The following CSMD1 variants were observed in gnomAD, a reference collection of about 807,000 sequenced individuals.
The protein encoded by CSMD1 is CUB and sushi domain-containing protein 1.
In CSMD1, 213 loss-of-function variants were observed where a neutral mutation model predicts 417.5. That is an observed-to-expected ratio of 0.51 (90% CI 0.46 to 0.57). CSMD1 has a LOEUF of 0.57. Ranked by LOEUF, CSMD1 falls within the 20% of genes least tolerant of loss-of-function variation. The probability of loss-of-function intolerance (pLI) is 0.00; values close to 1 mark genes in which losing one functional copy is unlikely to be tolerated. For missense variants in CSMD1, 6,923 were observed against 4,529.7 expected (o/e 1.53, Z -15.17); for synonymous variants, 2,862 against 1,736.8 (o/e 1.65, Z -16.11).
chr8:4,234,939 T>C (rs1021313026), intron 3 of CSMD1, among the ~76,000 whole-genome samples: 1 of 152,150 alleles, frequency 6.6e-6, no homozygotes, highest in African/African-American at 2.4e-5. Flanking sequence ...GATGTGCTAA[T>C]CTTGATTCTA....
chr8:4,686,388 G>C (rs1268991945), intron 1 of CSMD1, among the ~76,000 whole-genome samples: 1 of 152,186 alleles, frequency 6.6e-6, no homozygotes, highest in African/African-American at 2.4e-5. Flanking sequence ...AAACTGCAGA[G>C]GCAGGAAGGC....
intron 9 of CSMD1, among the ~76,000 whole-genome samples, chr8:3,579,671 G>A (rs1272319698): frequency 1.3e-5 from 2 of 152,160 alleles, no homozygotes; most frequent in Middle Eastern, 3.2e-3. Context: ...CCTGGCTTAG[G>A]TAGTCAGTAG....
At chr8:4,260,579 T>G (rs756924260) in intron 3 of CSMD1, among the ~76,000 whole-genome samples, 3 of 152,200 alleles carry the variant, frequency 2.0e-5, no homozygotes, top group Non-Finnish European at 2.9e-5. Flanking sequence ...GAAAAGTTTG[T>G]AATATTGTTT....
rs369027134 is a variant in CSMD1, at chr8:2,957,854, G to A, written c.9703-47C>T. On this transcript the variant is annotated intron_variant, in intron 62 of 69. Coordinates refer to ENST00000635120, the MANE Select transcript of CSMD1 (RefSeq NM_033225.6). Reference sequence around the variant, plus strand: ...AGCTTCAGAGGCCAAGGGAATATACGAAGTGTCAACTAGTGATACCTGAAA... The same window carrying A: ...AGCTTCAGAGGCCAAGGGAATATACAAAGTGTCAACTAGTGATACCTGAAA... 3.3e-5 allele frequency: 43 copies of A among 1,316,166 alleles called. No homozygotes were observed. In the East Asian group the frequency reaches 5.5e-4, roughly 17 times the overall value. The allele number at this position is 1,316,166 out of a possible 1,614,324, so 81.5% of individuals were successfully genotyped here.
chr8:4,975,713 G>T (rs1014267309), intron 1 of CSMD1, among the ~76,000 whole-genome samples: 1 of 152,074 alleles, frequency 6.6e-6, no homozygotes, highest in African/African-American at 2.4e-5. Context: ...AGCTCTTCAG[G>T]GTTTCATCTG....
intron 2 of CSMD1, among the ~76,000 whole-genome samples, chr8:4,462,963 C>T (rs1799928112): frequency 6.6e-6 from 1 of 152,020 alleles, no homozygotes; most frequent in African/African-American, 2.4e-5. Flanking sequence ...TGGAATTCAT[C>T]AAAATTTTAA....
At chr8:4,044,371 T>C (rs924256592) in intron 3 of CSMD1, among the ~76,000 whole-genome samples, 1 of 152,192 alleles carries the variant, frequency 6.6e-6, no homozygotes, top group Non-Finnish European at 1.5e-5. Context: ...GATAAGAACC[T>C]TGTCTTAATA....
chr8:3,969,540 T>C (rs535220275), intron 5 of CSMD1, among the ~76,000 whole-genome samples: 1 of 152,220 alleles, frequency 6.6e-6, no homozygotes, highest in South Asian at 2.1e-4. Flanking sequence ...CTCTGTAAAA[T>C]GAAAATAAAA....
At chr8:4,602,249 T>C (rs2130767343) in intron 2 of CSMD1, among the ~76,000 whole-genome samples, 1 of 152,242 alleles carries the variant, frequency 6.6e-6, no homozygotes, top group East Asian at 1.9e-4. Flanking sequence ...GGAGTTATTT[T>C]AGAAGAGAAA....
At chr8:4,653,038 C>A (rs768476040) in intron 1 of CSMD1, among the ~76,000 whole-genome samples, 9 of 152,028 alleles carry the variant, frequency 5.9e-5, no homozygotes, top group African/African-American at 1.2e-4. Context: ...CAGATAGGTA[C>A]CTGTCCTCAG....
intron 3 of CSMD1, among the ~76,000 whole-genome samples, chr8:4,224,831 A>T (rs1229972928): frequency 1.3e-5 from 2 of 152,244 alleles, no homozygotes; most frequent in Non-Finnish European, 2.9e-5. Context: ...GAGGATATAT[A>T]GGGCGCTGTG....
At chr8:3,647,824 T>C (rs1220060460) in intron 7 of CSMD1, among the ~76,000 whole-genome samples, 4 of 152,220 alleles carry the variant, frequency 2.6e-5, no homozygotes, top group African/African-American at 4.8e-5. Flanking sequence ...ATGTATAATG[T>C]TGGTGAATCT....
intron 3 of CSMD1, among the ~76,000 whole-genome samples, chr8:4,172,778 C>T (rs185874441): frequency 8.3e-4 from 126 of 152,224 alleles, no homozygotes; most frequent in African/African-American, 2.9e-3. Context: ...ATCCCTTACC[C>T]ACAGAGAAGC....
chr8:4,233,887 T>C (rs1435748974), intron 3 of CSMD1, among the ~76,000 whole-genome samples: 1 of 151,672 alleles, frequency 6.6e-6, no homozygotes, highest in Non-Finnish European at 1.5e-5. Flanking sequence ...GCGGAAGCCA[T>C]ATCCAGTACT....
intron 3 of CSMD1, among the ~76,000 whole-genome samples, chr8:4,063,805 T>A (rs1337488658): frequency 1.3e-5 from 2 of 152,172 alleles, no homozygotes; most frequent in Admixed American, 6.6e-5. Context: ...CCTGCATCTA[T>A]CTGAGAGCAC....
intron 1 of CSMD1, among the ~76,000 whole-genome samples, chr8:4,955,414 C>G (rs1479586757): frequency 6.6e-6 from 1 of 150,538 alleles, no homozygotes; most frequent in Non-Finnish European, 1.5e-5. Flanking sequence ...CCTACTGTGT[C>G]TGTTTGGTGG....
Position 4,026,352 on chromosome 8 carries a change from C to G in CSMD1, c.610+5553G>C, listed in dbSNP as rs190802681. ...TGTAATAATCTATAATACAGAAGAA[C>G]AAAGTTTCCTGTGATAAAAGCACAC... On this transcript the variant is annotated intron_variant, in intron 4 of 69. Coordinates refer to ENST00000635120, the MANE Select transcript of CSMD1 (RefSeq NM_033225.6). 1.7e-4 allele frequency among the ~76,000 whole-genome samples: 26 copies of G among 152,232 alleles called. No homozygotes were observed. In the East Asian group the frequency reaches 4.1e-3, roughly 24 times the overall value.
At chr8:3,500,530 G>A (rs1360719652) in intron 10 of CSMD1, among the ~76,000 whole-genome samples, 1 of 152,164 alleles carries the variant, frequency 6.6e-6, no homozygotes, top group African/African-American at 2.4e-5. Flanking sequence ...AGGATGAGCT[G>A]CAGTCTCTTT....
intron 3 of CSMD1, among the ~76,000 whole-genome samples, chr8:4,275,340 T>G (rs147593399): frequency 6.6e-6 from 1 of 152,192 alleles, no homozygotes; most frequent in Non-Finnish European, 1.5e-5. Context: ...TGTTGTGTAT[T>G]TGTTGGAAGA....
Sources: gnomAD v4.1 joint callset for allele counts (sites outside exome capture counted in the v4.1 genomes callset) on GRCh38, gnomAD v4.1.1 for gene constraint, MANE v1.5 for transcripts, NCBI Gene and HGNC (gene_info 2026-07-23, HGNC 2026-07-21) for gene names.